The following EEF2KMT variants were observed in gnomAD, a reference collection of about 807,000 sequenced individuals.
EEF2KMT encodes the protein protein-lysine N-methyltransferase EEF2KMT.
In EEF2KMT, 30 loss-of-function variants were observed where a neutral mutation model predicts 35.1. The ratio of observed to expected loss-of-function variants is 0.85; its 90% CI spans 0.64 to 1.16. The LOEUF (loss-of-function observed/expected upper bound fraction) is 1.16. EEF2KMT is among the 50% of genes most tolerant of loss of function. The pLI, the probability that EEF2KMT is intolerant of heterozygous loss-of-function variation, is 0.00. For synonymous variants in EEF2KMT, 190 were observed against 187.7 expected, an observed-to-expected ratio of 1.01 and a Z score of -0.10; for missense variants, 499 against 438.2, an observed-to-expected ratio of 1.14 and a Z score of -1.24.
At chr16:5,091,738 G>A in intron 4 of EEF2KMT, 56 bp downstream of exon 4, 1 of 1,606,608 alleles carries the variant, frequency 6.2e-7, no homozygotes, top group Non-Finnish European at 8.5e-7. Context: ...TTTTCACTTT[G>A]TCTGTGCAGG....
chr16:5,087,900 G>GT (rs557816954), intron 7 of EEF2KMT, among the ~76,000 whole-genome samples: 1,506 of 145,584 alleles, frequency 0.01, 28 homozygotes, highest in African/African-American at 0.036. Context: ...TTTTTTTCAC[G>GT]TAAGTATCTG....
chr16:5,089,077 A>G, intron 7 of EEF2KMT, 30 bp downstream of exon 7: 1 of 1,611,602 alleles, frequency 6.2e-7, no homozygotes, highest in Non-Finnish European at 8.5e-7. Flanking sequence ...CTCAGGGACC[A>G]TGCAGGCCCG....
At position 5,084,531 on chromosome 16, in the gene EEF2KMT, G is replaced by T; in HGVS notation, c.*1101C>A. The T allele has an allele frequency of 1.3e-6, 1 of 740,820 alleles. No individual in the cohort carries two copies. Among genetic ancestry groups the T allele is most frequent in the Non-Finnish European group, 2.2e-6 (1 of 446,532 alleles). 45.9% of individuals were successfully genotyped at this position (740,820 alleles called of 1,614,324 possible). A position where few individuals can be genotyped will look rare whatever the true frequency, so the allele number is the denominator to read the frequency against. On this transcript the variant is annotated 3_prime_UTR_variant, in exon 8 of 8. Transcript: ENST00000427587. ...GCCGGGAGGTGCTCCAGGGCACCAA[G>T]TGTGGGAAAGTGGGACATGCGGGGA...
intron 3 of EEF2KMT, 105 bp downstream of exon 3, chr16:5,093,379 A>C (rs1222262707): frequency 6.4e-7 from 1 of 1,563,000 alleles, no homozygotes; most frequent in Non-Finnish European, 8.7e-7. Flanking sequence ...GGCCCCTGCC[A>C]TGCTGGGGTT....
At chr16:5,093,602 C>T (rs147567393) in intron 2 of EEF2KMT, 38 bp from the exon 3 acceptor site, 40,252 of 1,610,920 alleles carry the variant, frequency 0.025, 840 homozygotes, top group East Asian at 0.11. Context: ...CTCGAGAGCC[C>T]GTCTTAAGTC....
chr16:5,091,872 A>C lies in EEF2KMT; in HGVS notation c.264T>G (p.Pro88=). 6.2e-7 allele frequency: 1 copy of C among 1,611,874 alleles called. No individual in the cohort carries two copies. The highest frequency in any genetic ancestry group is 8.5e-7 in the Non-Finnish European group (1 of 1,179,772). ...IKKHEAVHTE[P]LDELYEALAE... ...CCAGCGCTTCATACAGCTCGTCCAA[A>C]GGCTCTGTGTGGACAGCCTCGTGCT... Residue 88 remains proline, a synonymous_variant, in exon 4 of 8, where the codon CCT becomes CCG. Transcript: ENST00000427587.
chr16:5,090,260 C>G lies in EEF2KMT; in HGVS notation c.566G>C (p.Cys189Ser), dbSNP rs1425980663. ...GAGCTGCTCAAGGACCCGGCTGTGA[C>G]AGTCGCTGAAGATGTATGCCCGGGG... Reference protein sequence around the residue: ...CRPRAYIFSDCHSRVLEQLRG... With the variant: ...CRPRAYIFSDSHSRVLEQLRG... The change falls in exon 6 of 8, where the codon TGT becomes TCT. Residue 189 changes from cysteine (C) to serine (S), a missense_variant. Cys to Ser is a moderately radical substitution (Grantham distance 112). Transcript: ENST00000427587. This position sits in a 1 kb window ranked among gnomAD's most constrained non-coding sequence, Gnocchi z 4.1. 1 of 1,612,060 alleles carries G rather than the reference C, an allele frequency of 6.2e-7. No individual in the cohort carries two copies. Among genetic ancestry groups the G allele is most frequent in the South Asian group, 1.1e-5 (1 of 90,996 alleles).
In EEF2KMT at chr16:5,097,685, G is replaced by A. The variant is rs530475838; in HGVS notation, c.55C>T (p.Arg19Cys). ...TELLLQSFER[R>C]FLAARTLRSF... is the part of the protein sequence containing the mutation. ...CGCAGTGTGCGTGCCGCCAGGAAGC[G>A]GCGCTCGAAACTCTGCAGCAAGAGT... The change falls in exon 1 of 8, where the codon CGC (arginine) becomes TGC (cysteine). Residue 19 changes from arginine (R) to cysteine (C), a missense_variant. Transcript: ENST00000427587. The A allele has an allele frequency of 7.3e-5, 116 of 1,580,634 alleles. No individual in the cohort carries two copies. The highest frequency in any genetic ancestry group is 9.4e-5 in the Non-Finnish European group (110 of 1,168,860).
intron 1 of EEF2KMT, among the ~76,000 whole-genome samples, chr16:5,096,986 A>G (rs1038643721): frequency 2.0e-5 from 3 of 152,242 alleles, no homozygotes; most frequent in African/African-American, 7.2e-5. Flanking sequence ...GGAGGAATAT[A>G]TATCCAAACT....
chr16:5,096,456 G>T (rs1957468012), intron 1 of EEF2KMT, among the ~76,000 whole-genome samples: 2 of 152,196 alleles, frequency 1.3e-5, no homozygotes, highest in South Asian at 4.1e-4. Context: ...TTTTGAGACT[G>T]AATAAAAACA....
chr16:5,097,427 G>A, intron 1 of EEF2KMT: 1 of 1,426,484 alleles, frequency 7.0e-7, no homozygotes, highest in Non-Finnish European at 9.3e-7. Flanking sequence ...AGGCTGTGGA[G>A]ACGCCCCCAG....
At position 5,093,427 on chromosome 16, in the gene EEF2KMT, C is replaced by T. The variant is rs1010333106; in HGVS notation, c.240+57G>A. On this transcript the variant is annotated intron_variant, in intron 3 of 7. Transcript: ENST00000427587. ...CCAGGGCCTGGGAAGGACGGGGGCT[C>T]CAGCACGCAGGTGGCTATGCTGTCC... 7 of 1,610,490 alleles carry T rather than the reference C, an allele frequency of 4.3e-6. No individual in the cohort carries two copies. The African/African-American group carries it at 8.0e-5, about 18-fold the overall frequency.
At chr16:5,096,766 G>A (rs1468174903) in intron 1 of EEF2KMT, among the ~76,000 whole-genome samples, 1 of 152,146 alleles carries the variant, frequency 6.6e-6, no homozygotes, top group African/African-American at 2.4e-5. Context: ...GGGTGTTGAG[G>A]GTGAGCCCAA....
intron 4 of EEF2KMT, among the ~76,000 whole-genome samples, chr16:5,091,050 G>A (rs1347297179): frequency 2.0e-5 from 3 of 152,234 alleles, no homozygotes; most frequent in Non-Finnish European, 4.4e-5. Flanking sequence ...AGGTAGCTGC[G>A]AATACAGGCG....
intron 1 of EEF2KMT, 28 bp from the exon 2 acceptor site, chr16:5,095,542 C>T: frequency 6.2e-7 from 1 of 1,610,900 alleles, no homozygotes; most frequent in Non-Finnish European, 8.5e-7. Context: ...AGAGAAATCT[C>T]AAGGGCGCAT....
chr16:5,086,409 C>G (rs1253424529), intron 7 of EEF2KMT: 1 of 151,056 alleles, frequency 6.6e-6, no homozygotes, highest in African/African-American at 2.4e-5. Context: ...GGCTGCTGTT[C>G]TCATAAGCAC....
Position 5,093,574 on chromosome 16 carries a change from A to G in EEF2KMT, c.160-10T>C, listed in dbSNP as rs1257672831. 2.5e-6 allele frequency: 4 copies of G among 1,612,010 alleles called. No homozygotes were observed. Among genetic ancestry groups the G allele is most frequent in the Non-Finnish European group, 2.5e-6 (3 of 1,179,848 alleles). On this transcript the variant is annotated splice_polypyrimidine_tract_variant and intron_variant, in intron 2 of 7. Transcript: ENST00000427587. ...CAGGATGCTTCACAGTCTACGGCAA[A>G]GGACAGAACGTTGGTTGCTCGAGAG...
chr16:5,095,646 A>G (rs371986954), intron 1 of EEF2KMT, 132 bp from the exon 2 acceptor site: 4 of 1,402,676 alleles, frequency 2.9e-6, no homozygotes, highest in East Asian at 4.6e-5. Flanking sequence ...TGGAAGCCAC[A>G]GCGGCTGAAA....
chr16:5,097,093 G>A (rs1957486280), intron 1 of EEF2KMT, among the ~76,000 whole-genome samples: 1 of 152,194 alleles, frequency 6.6e-6, no homozygotes, highest in Admixed American at 6.5e-5. Flanking sequence ...CCTGCCATGG[G>A]CCTGTGCTGA....
Sources: gnomAD v4.1 joint callset for allele counts (sites outside exome capture counted in the v4.1 genomes callset) on GRCh38, gnomAD v4.1.1 for gene constraint, Gnocchi (gnomAD v3.1) non-coding constraint, MANE v1.5 for transcripts, NCBI Gene and HGNC (gene_info 2026-07-23, HGNC 2026-07-21) for gene names.